Variants in ANKS1B observed in about 807,000 individuals in gnomAD.
ANKS1B encodes the protein ankyrin repeat and sterile alpha motif domain containing 1B.
Under a neutral mutation model 148.3 loss-of-function variants are expected in ANKS1B, and 36 were observed. The ratio of observed to expected loss-of-function variants is 0.24; its 90% CI spans 0.19 to 0.32. ANKS1B has a LOEUF of 0.32. Among genes scored for constraint, ANKS1B ranks in the 10% least tolerant of loss-of-function variants. The probability of loss-of-function intolerance (pLI) is 1.00; values close to 1 mark genes in which losing one functional copy is unlikely to be tolerated. For missense variants in ANKS1B, 1,157 were observed against 1,542.6 expected, an observed-to-expected ratio of 0.75 and a Z score of 4.19; for synonymous variants, 542 against 560.8, an observed-to-expected ratio of 0.97 and a Z score of 0.47.
chr12:99,372,183 T>C (rs2093171179), intron 12 of ANKS1B, among the ~76,000 whole-genome samples: 2 of 152,138 alleles, frequency 1.3e-5, no homozygotes, highest in Admixed American at 6.6e-5. Flanking sequence ...CATGTACCAC[T>C]CTAGTGGGGG....
intron 15 of ANKS1B, among the ~76,000 whole-genome samples, chr12:99,094,929 G>C (rs370690730): frequency 6.6e-6 from 1 of 152,024 alleles, no homozygotes; most frequent in Middle Eastern, 3.4e-3. Flanking sequence ...AGTTGAGCTC[G>C]ACAATCAAAA....
intron 17 of ANKS1B, among the ~76,000 whole-genome samples, chr12:98,966,111 AACCT>A (rs2099877626): frequency 6.6e-6 from 1 of 152,228 alleles, no homozygotes; most frequent in Non-Finnish European, 1.5e-5. Flanking sequence ...GTGAACAGGC[AACCT>A]ACAGAATGGG....
chr12:99,221,798 A>G (rs1410484384), intron 14 of ANKS1B, among the ~76,000 whole-genome samples: 1 of 152,204 alleles, frequency 6.6e-6, no homozygotes, highest in Non-Finnish European at 1.5e-5. Context: ...AACATCCCTG[A>G]ACCAGCAATT....
chr12:99,169,841 T>C (rs2077564149), intron 14 of ANKS1B, among the ~76,000 whole-genome samples: 1 of 152,192 alleles, frequency 6.6e-6, no homozygotes, highest in African/African-American at 2.4e-5. Flanking sequence ...ACTTGAACCC[T>C]AAGTAGCCTG....
intron 1 of ANKS1B, among the ~76,000 whole-genome samples, chr12:99,847,581 T>C (rs913084268): frequency 1.3e-5 from 2 of 152,190 alleles, no homozygotes; most frequent in Admixed American, 6.5e-5. Context: ...CTCAGTCTAT[T>C]ACCATTAAGT....
intron 8 of ANKS1B, among the ~76,000 whole-genome samples, chr12:99,739,784 C>T (rs955670584): frequency 6.6e-6 from 1 of 152,120 alleles, no homozygotes; most frequent in Non-Finnish European, 1.5e-5. Context: ...GCTAACTGTT[C>T]CACCTGCTTC....
intron 8 of ANKS1B, among the ~76,000 whole-genome samples, chr12:99,756,606 C>T (rs1174777374): frequency 6.6e-6 from 1 of 151,910 alleles, no homozygotes. Flanking sequence ...CAAAAAAGAA[C>T]CAAAATATCC....
intron 25 of ANKS1B, among the ~76,000 whole-genome samples, chr12:98,764,207 A>C (rs2098450935): frequency 1.3e-5 from 2 of 152,170 alleles, no homozygotes; most frequent in Non-Finnish European, 2.9e-5. Context: ...CTCCAGTGGA[A>C]GCTGTAGGGA....
In ANKS1B at chr12:99,088,555, A is replaced by AT. The variant is rs559060259; in HGVS notation, c.2527-3533dup. On this transcript the variant is annotated intron_variant, in intron 15 of 26. Coordinates refer to ENST00000683438, the MANE Select transcript of ANKS1B (RefSeq NM_001352186.2). ...ATTAAAGAGAAATTCAAGAATATAT[A>AT]TTTTTTTTTGACAAATCAATCTTGG... 1.2e-3 allele frequency among the ~76,000 whole-genome samples: 178 copies of AT among 151,416 alleles called. 1 individual carries two copies. Among genetic ancestry groups the AT allele is most frequent in the African/African-American group, 3.1e-3 (129 of 41,352 alleles).
At chr12:99,286,503 A>T (rs2079136920) in intron 12 of ANKS1B, among the ~76,000 whole-genome samples, 1 of 152,042 alleles carries the variant, frequency 6.6e-6, no homozygotes, top group African/African-American at 2.4e-5. Flanking sequence ...TTGAGGAGAG[A>T]ATCCTGTTTG....
At chr12:99,925,087 G>C (rs560976558) in intron 1 of ANKS1B, among the ~76,000 whole-genome samples, 27 of 152,232 alleles carry the variant, frequency 1.8e-4, no homozygotes, top group African/African-American at 6.5e-4. Context: ...TGCGAGGGTG[G>C]CTGGGGGCTG....
chr12:99,881,048 A>G lies in ANKS1B; in HGVS notation c.135-55659T>C, dbSNP rs12314674. Among the ~76,000 whole-genome samples the G allele has an allele frequency of 1.9e-3, 297 of 152,350 alleles. 1 individual carries two copies. The highest frequency in any genetic ancestry group is 6.9e-3 in the African/African-American group (288 of 41,572). ...TAAAGAATTGCAGATGGATTGGAGA[A>G]GACCAGAATTCAAAGTATCAGCAGT... On this transcript the variant is annotated intron_variant, in intron 1 of 26. Transcript: ENST00000683438.
intron 9 of ANKS1B, among the ~76,000 whole-genome samples, chr12:99,516,434 T>C (rs1312364464): frequency 6.6e-6 from 1 of 152,096 alleles, no homozygotes; most frequent in Non-Finnish European, 1.5e-5. Context: ...ATCATGTCCT[T>C]TGCCGGGACA....
chr12:98,770,336 A>G (rs1250525325), intron 25 of ANKS1B, among the ~76,000 whole-genome samples: 1 of 152,260 alleles, frequency 6.6e-6, no homozygotes, highest in Non-Finnish European at 1.5e-5. Context: ...GGTATTTCAC[A>G]TAAACCAAAA....
At chr12:99,194,288 A>G (rs1428817641) in intron 14 of ANKS1B, among the ~76,000 whole-genome samples, 1 of 152,172 alleles carries the variant, frequency 6.6e-6, no homozygotes, top group Non-Finnish European at 1.5e-5. Context: ...ATAAATATTT[A>G]GTGAATGAAT....
intron 12 of ANKS1B, among the ~76,000 whole-genome samples, chr12:99,277,231 C>A (rs1261457326): frequency 6.6e-6 from 1 of 152,184 alleles, no homozygotes; most frequent in East Asian, 1.9e-4. Context: ...TAGTAAATGA[C>A]AAAGTCTTAT....
intron 1 of ANKS1B, among the ~76,000 whole-genome samples, chr12:99,884,420 G>A (rs989958446): frequency 2.0e-5 from 3 of 152,164 alleles, no homozygotes; most frequent in Admixed American, 2.0e-4. Context: ...TAAAAGGAAT[G>A]AGTATTTGTT....
At chr12:98,900,624 T>TC (rs2099770687) in intron 17 of ANKS1B, among the ~76,000 whole-genome samples, 2 of 152,186 alleles carry the variant, frequency 1.3e-5, no homozygotes, top group Non-Finnish European at 2.9e-5. Context: ...GCTCTGATAA[T>TC]TTAGAGTGAA....
chr12:99,524,638 A>G (rs2096908556), intron 9 of ANKS1B, among the ~76,000 whole-genome samples: 1 of 152,190 alleles, frequency 6.6e-6, no homozygotes, highest in Non-Finnish European at 1.5e-5. Flanking sequence ...TGGGTAATTT[A>G]TAAAGAAAAA....
Sources: allele counts gnomAD v4.1 joint callset (sites outside exome capture counted in the v4.1 genomes callset), GRCh38; gene constraint gnomAD v4.1.1; transcripts MANE v1.5; gene names NCBI Gene and HGNC (gene_info 2026-07-23, HGNC 2026-07-21).